The following SLCO5A1 variants were observed in gnomAD, a reference collection of about 807,000 sequenced individuals.
SLCO5A1 encodes solute carrier organic anion transporter family member 5A1, also known as organic anion transporter polypeptide-related protein 4.
A neutral mutation model predicts 65.1 loss-of-function variants in SLCO5A1; 39 were observed. That is an observed-to-expected ratio of 0.60 (90% confidence interval 0.46 to 0.78). The LOEUF (loss-of-function observed/expected upper bound fraction) is 0.78. Ranked by LOEUF, SLCO5A1 falls within the 30% of genes least tolerant of loss-of-function variation. SLCO5A1 has a pLI of 0.00. For synonymous variants in SLCO5A1, 438 were observed against 415.7 expected, an observed-to-expected ratio of 1.05 and a Z score of -0.65; for missense variants, 1,029 against 1,069.4, an observed-to-expected ratio of 0.96 and a Z score of 0.53.
chr8:69,761,427 C>T (rs1817769048), intron 3 of SLCO5A1: 1 of 276,956 alleles, frequency 3.6e-6, no homozygotes, highest in Admixed American at 5.6e-5. Flanking sequence ...CATCGAATCT[C>T]CTTCTTTGAT....
intron 2 of SLCO5A1, among the ~76,000 whole-genome samples, chr8:69,769,909 A>C (rs1233636385): frequency 6.6e-6 from 1 of 152,212 alleles, no homozygotes; most frequent in Non-Finnish European, 1.5e-5. Context: ...ATTTAGGGAG[A>C]ACTCTCAAGA....
At chr8:69,742,831 C>T (rs1046681712) in intron 4 of SLCO5A1, among the ~76,000 whole-genome samples, 5 of 122,574 alleles carry the variant, frequency 4.1e-5, no homozygotes, top group Admixed American at 9.8e-5. Flanking sequence ...GACTGAGTCT[C>T]GCTCTGTTGC....
intron 2 of SLCO5A1, among the ~76,000 whole-genome samples, chr8:69,804,609 C>T (rs1308594850): frequency 6.6e-6 from 1 of 152,180 alleles, no homozygotes; most frequent in Non-Finnish European, 1.5e-5. Context: ...AGCCACCGTG[C>T]CCAGCTGCTT....
chr8:69,778,080 A>T (rs1320714903), intron 2 of SLCO5A1, among the ~76,000 whole-genome samples: 1 of 152,196 alleles, frequency 6.6e-6, no homozygotes, highest in Admixed American at 6.5e-5. Flanking sequence ...CTAATTTATA[A>T]ATTAAACTTT....
In SLCO5A1 at chr8:69,679,633, A is replaced by G. The variant is rs1196475727; in HGVS notation, c.1783-14T>C. ...ATAATTCCGTATCTAAGTGAGCAAAATAAAGATGAGTTGTGTGCCCCTCAA... is the reference window on the plus strand; with the variant it reads ...ATAATTCCGTATCTAAGTGAGCAAAGTAAAGATGAGTTGTGTGCCCCTCAA... On this transcript the variant is annotated splice_polypyrimidine_tract_variant and intron_variant, in intron 7 of 9. Coordinates refer to ENST00000260126, the MANE Select transcript of SLCO5A1 (RefSeq NM_030958.3). The G allele has an allele frequency of 6.2e-7, 1 of 1,612,364 alleles. No homozygotes were observed. Among genetic ancestry groups the G allele is most frequent in the Non-Finnish European group, 8.5e-7 (1 of 1,178,538 alleles).
chr8:69,677,024 CGG>C (rs1563655143), intron 8 of SLCO5A1, among the ~76,000 whole-genome samples: 1,694 of 151,868 alleles, frequency 0.011, 23 homozygotes, highest in African/African-American at 0.039. Context: ...AAATACTGCA[CGG>C]TTTTTTTGTT....
intron 6 of SLCO5A1, 26 bp from the exon 7 acceptor site, chr8:69,682,369 G>A: frequency 6.6e-7 from 1 of 1,514,082 alleles, no homozygotes; most frequent in South Asian, 1.3e-5. Flanking sequence ...AGCAGATCAT[G>A]AGCAACACTT....
chr8:69,675,135 TAAA>T (rs1813497213), intron 9 of SLCO5A1, among the ~76,000 whole-genome samples: 1 of 151,920 alleles, frequency 6.6e-6, no homozygotes, highest in Non-Finnish European at 1.5e-5. Context: ...ATGTTATTTC[TAAA>T]TAATACTGTT....
At chr8:69,716,193 A>G (rs2130821852) in intron 5 of SLCO5A1, among the ~76,000 whole-genome samples, 1 of 152,330 alleles carries the variant, frequency 6.6e-6, no homozygotes, top group Middle Eastern at 3.4e-3. Flanking sequence ...TTGCATTTCT[A>G]GATCACATTT....
intron 3 of SLCO5A1, among the ~76,000 whole-genome samples, chr8:69,757,325 A>G (rs1817581074): frequency 6.6e-6 from 1 of 152,210 alleles, no homozygotes; most frequent in East Asian, 1.9e-4. Flanking sequence ...TCAAAAAAAC[A>G]TGCTGAATAA....
intron 3 of SLCO5A1, among the ~76,000 whole-genome samples, chr8:69,757,577 G>A (rs556442378): frequency 1.3e-5 from 2 of 152,318 alleles, no homozygotes; most frequent in East Asian, 3.9e-4. Flanking sequence ...TACTCGGGAG[G>A]CTGAGGCAGG....
At chr8:69,804,554 G>T (rs980624912) in intron 2 of SLCO5A1, among the ~76,000 whole-genome samples, 8 of 152,170 alleles carry the variant, frequency 5.3e-5, no homozygotes, top group Non-Finnish European at 8.8e-5. Context: ...GACCTCAGGT[G>T]ATCCGCCCAC....
At chr8:69,763,422 C>T (rs1173347490) in intron 2 of SLCO5A1, among the ~76,000 whole-genome samples, 2 of 151,590 alleles carry the variant, frequency 1.3e-5, no homozygotes, top group Non-Finnish European at 2.9e-5. Flanking sequence ...CGAGACCAGC[C>T]TGGCCAACAT....
chr8:69,700,525 A>C (rs1472659836), intron 6 of SLCO5A1: 4 of 152,256 alleles, frequency 2.6e-5, no homozygotes, highest in African/African-American at 9.6e-5. Flanking sequence ...AACAGACCTG[A>C]AAAATAATAG....
At chr8:69,773,273 C>G (rs1022609561) in intron 2 of SLCO5A1, among the ~76,000 whole-genome samples, 8 of 152,152 alleles carry the variant, frequency 5.3e-5, no homozygotes, top group Non-Finnish European at 4.4e-5. Flanking sequence ...GAACTGGCTC[C>G]CTCTACCATG....
At chr8:69,768,686 T>C (rs1045251478) in intron 2 of SLCO5A1, among the ~76,000 whole-genome samples, 1 of 152,134 alleles carries the variant, frequency 6.6e-6, no homozygotes, top group African/African-American at 2.4e-5. Flanking sequence ...CCTCTTCTTA[T>C]AAGGACCTCA....
chr8:69,827,975 G>A (rs1460683606), intron 2 of SLCO5A1, among the ~76,000 whole-genome samples: 1 of 152,164 alleles, frequency 6.6e-6, no homozygotes, highest in African/African-American at 2.4e-5. Flanking sequence ...GGTTCTCAGG[G>A]CTTCTTGCCA....
rs770191440 is a variant in SLCO5A1, at chr8:69,763,614, CAAAAAAAAAAAAAAAAA to C, written c.908-1756_908-1740del. On this transcript the variant is annotated intron_variant, in intron 2 of 9. Transcript: ENST00000260126. ...CAGGCTAGGAAACAGAGCAAGACTC[CAAAAAAAAAAAAAAAAA>C]AAAAAAAAAAAAAAAAAAAAGGGTG... Among the ~76,000 whole-genome samples the C allele has an allele frequency of 1.1e-3, 14 of 13,168 alleles. No individual in the cohort carries two copies. In the East Asian group the frequency reaches 0.018, roughly 17 times the overall value. The allele number at this position is 13,168 out of a possible 152,430, so 8.6% of individuals were successfully genotyped here. A position where few individuals can be genotyped will look rare whatever the true frequency, so the allele number is the denominator to read the frequency against.
At chr8:69,715,471 T>C (rs1488812658) in intron 5 of SLCO5A1, among the ~76,000 whole-genome samples, 1 of 152,218 alleles carries the variant, frequency 6.6e-6, no homozygotes, top group African/African-American at 2.4e-5. Flanking sequence ...CCTCTGTCCA[T>C]TGTTGTCCAA....
Sources: gnomAD v4.1 joint callset for allele counts (sites outside exome capture counted in the v4.1 genomes callset) on GRCh38, gnomAD v4.1.1 for gene constraint, MANE v1.5 for transcripts, NCBI Gene and HGNC (gene_info 2026-07-23, HGNC 2026-07-21) for gene names.